GNG7: variants seen among roughly 807,000 people sequenced by gnomAD.
GNG7 encodes the protein guanine nucleotide-binding protein G(I)/G(S)/G(O) subunit gamma-7.
In GNG7, 1 loss-of-function variant was observed where a neutral mutation model predicts 4.0. The observed-to-expected ratio is 0.25, with a 90% CI of 0.09 to 1.18. The LOEUF is 1.18. Ranked by LOEUF, GNG7 falls within the 50% of genes most tolerant of loss-of-function variation. The pLI, the probability that GNG7 is intolerant of heterozygous loss-of-function variation, is 0.50. For synonymous variants in GNG7, 34 were observed against 36.9 expected (o/e 0.92, Z 0.29); for missense variants, 86 against 91.9 (o/e 0.94, Z 0.26).
At position 2,512,274 on chromosome 19, in the gene GNG7, A is replaced by G. The variant is rs1972667189; in HGVS notation, c.*2748T>C. ...CCAGGGATTCCCGGCAGAAAAGCAC[A>G]TGTGGCGGTCGGTGTGTGCACTCGG... On this transcript the variant is annotated 3_prime_UTR_variant, in exon 5 of 5. Coordinates refer to ENST00000382159, the MANE Select transcript of GNG7 (RefSeq NM_052847.3). This position sits in a 1 kb window ranked among gnomAD's most constrained non-coding sequence, Gnocchi z 4.7. The G allele has an allele frequency of 1.0e-6, 1 of 985,656 alleles. No individual in the cohort carries two copies. The highest frequency in any genetic ancestry group is 1.7e-5 in the African/African-American group (1 of 57,204). 61.1% of individuals were successfully genotyped at this position (985,656 alleles called of 1,614,324 possible).
intron 2 of GNG7, among the ~76,000 whole-genome samples, chr19:2,576,458 C>T (rs529704837): frequency 6.6e-6 from 1 of 152,356 alleles, no homozygotes; most frequent in African/African-American, 2.4e-5. Flanking sequence ...GGGACGGGCA[C>T]TGCAGCAGCT....
At chr19:2,592,140 C>CT (rs1483663776) in intron 2 of GNG7, among the ~76,000 whole-genome samples, 1 of 152,174 alleles carries the variant, frequency 6.6e-6, no homozygotes, top group Non-Finnish European at 1.5e-5. Flanking sequence ...CATGATGTTT[C>CT]TGCTGCAACA....
At chr19:2,642,672 C>T in intron 2 of GNG7, 1 of 397,862 alleles carries the variant, frequency 2.5e-6, no homozygotes, top group Non-Finnish European at 5.0e-6. Context: ...GTCTAATTTT[C>T]TGTAGAGTTT....
Position 2,700,168 on chromosome 19 carries a change from GTCTC to G in GNG7, c.-135+2474_-135+2477del, listed in dbSNP as rs541624184. Among the ~76,000 whole-genome samples, 782 of 148,782 alleles carry G rather than the reference GTCTC, an allele frequency of 5.3e-3. 10 individuals are homozygous for G. Among genetic ancestry groups the G allele is most frequent in the African/African-American group, 0.018 (735 of 40,196 alleles). On this transcript the variant is annotated intron_variant, in intron 1 of 4. Coordinates refer to ENST00000382159, the MANE Select transcript of GNG7 (RefSeq NM_052847.3). ...TTTTCCTTTATTTTTTTGAGGCAGAGTCTCTCTCTGTTGCCCAGGCTGGAGTGCA... is the reference window on the plus strand; with the variant it reads ...TTTTCCTTTATTTTTTTGAGGCAGAGTCTCTGTTGCCCAGGCTGGAGTGCA...
intron 1 of GNG7, among the ~76,000 whole-genome samples, chr19:2,661,294 GAAAGAAAGAGAAAGAAAGAAAGAA>G (rs1170981398): frequency 4.7e-5 from 2 of 42,476 alleles, no homozygotes; most frequent in African/African-American, 2.3e-4. Flanking sequence ...AAGAAAGAAA[GAAAGAAAGAGAAAGAAAGAAAGAA>G]AGAAAGAAAG....
chr19:2,552,825 C>A (rs947303982), intron 3 of GNG7, among the ~76,000 whole-genome samples: 1 of 140,620 alleles, frequency 7.1e-6, no homozygotes, highest in Non-Finnish European at 1.5e-5. Context: ...GCGTTTGAAT[C>A]GTCCCCAAAC....
chr19:2,691,696 G>A lies in GNG7; in HGVS notation c.-135+10950C>T, dbSNP rs559891030. Among the ~76,000 whole-genome samples the A allele has an allele frequency of 2.5e-4, 38 of 151,128 alleles. 2 individuals carry two copies. Among genetic ancestry groups the A allele is most frequent in the Admixed American group, 1.3e-3 (20 of 15,162 alleles). On this transcript the variant is annotated intron_variant, in intron 1 of 4. Transcript: ENST00000382159. The stretch of plus-strand genomic sequence containing the variant: ...AGCCTGGCCAACATGGTGAAACCCC[G>A]TTTCTACTAAAAATACCAAAATTAG...
At chr19:2,645,363 C>T (rs1404633414) in intron 2 of GNG7, among the ~76,000 whole-genome samples, 1 of 151,704 alleles carries the variant, frequency 6.6e-6, no homozygotes, top group Non-Finnish European at 1.5e-5. Flanking sequence ...CTCAGCCTCC[C>T]GAGTAGCTTG....
intron 3 of GNG7, among the ~76,000 whole-genome samples, chr19:2,548,960 A>G (rs1979225785): frequency 6.6e-6 from 1 of 152,206 alleles, no homozygotes; most frequent in African/African-American, 2.4e-5. Flanking sequence ...GACAGGTTCA[A>G]GTGACAAAGC....
intron 1 of GNG7, among the ~76,000 whole-genome samples, chr19:2,672,879 T>C (rs374200977): frequency 1.6e-4 from 25 of 152,288 alleles, no homozygotes; most frequent in African/African-American, 6.0e-4. Context: ...CCCAGAGCCC[T>C]GAACCCCAGA....
At chr19:2,575,490 G>GACACGCAGGCACACACAGACATGCAGAC (rs1980280369) in intron 2 of GNG7, among the ~76,000 whole-genome samples, 1 of 150,404 alleles carries the variant, frequency 6.6e-6, no homozygotes, top group African/African-American at 2.5e-5. Flanking sequence ...GGCACATGCA[G>GACACGCAGGCACACACAGACATGCAGAC]ACACGCAGGC....
At chr19:2,576,634 C>A (rs1172271131) in intron 2 of GNG7, among the ~76,000 whole-genome samples, 1 of 152,146 alleles carries the variant, frequency 6.6e-6, no homozygotes, top group Non-Finnish European at 1.5e-5. Flanking sequence ...GCAGCCTCCA[C>A]CTCCTGGGCT....
chr19:2,604,700 G>A (rs1288338644), intron 2 of GNG7, among the ~76,000 whole-genome samples: 2 of 151,390 alleles, frequency 1.3e-5, no homozygotes, highest in Non-Finnish European at 2.9e-5. Context: ...TGGGGAGGGA[G>A]GGAGGGAAAA....
chr19:2,619,742 T>C (rs530725147), intron 2 of GNG7, among the ~76,000 whole-genome samples: 1 of 151,544 alleles, frequency 6.6e-6, no homozygotes, highest in East Asian at 1.9e-4. Context: ...AGGGAGGGGA[T>C]GCGTGTGTGG....
intron 3 of GNG7, among the ~76,000 whole-genome samples, chr19:2,549,446 G>A (rs943336872): frequency 2.6e-5 from 4 of 151,844 alleles, no homozygotes; most frequent in South Asian, 2.1e-4. Flanking sequence ...GCCCGCCACC[G>A]CACCCGGCTA....
At position 2,652,705 on chromosome 19, in the gene GNG7, G is replaced by A. The variant is rs116565462; in HGVS notation, c.-134-6425C>T. Among the ~76,000 whole-genome samples the A allele has an allele frequency of 8.3e-3, 1,268 of 152,236 alleles. 20 individuals carry two copies. Among genetic ancestry groups the A allele is most frequent in the African/African-American group, 0.029 (1,200 of 41,530 alleles). On this transcript the variant is annotated intron_variant, in intron 1 of 4. Transcript: ENST00000382159. ...AGTGGTAGAGGAGGGAAAGGAAGGG[G>A]GAGATGGGGGTCAGAGGATACATAG... is the stretch of plus-strand genomic sequence containing the variant.
In GNG7 at chr19:2,626,514, G is replaced by C. The variant is rs1303940687; in HGVS notation, c.-78+19710C>G. Among the ~76,000 whole-genome samples the C allele has an allele frequency of 6.6e-6, 1 of 152,026 alleles. No individual in the cohort carries two copies. The highest frequency in any genetic ancestry group is 1.9e-4 in the East Asian group (1 of 5,188). On this transcript the variant is annotated intron_variant, in intron 2 of 4. Coordinates refer to ENST00000382159, the MANE Select transcript of GNG7 (RefSeq NM_052847.3). This position sits in a 1 kb window ranked among gnomAD's most constrained non-coding sequence, Gnocchi z 5.0. The stretch of plus-strand genomic sequence containing the variant: ...TCCCTCTCACCTTTTCAAGGTCCTG[G>C]AACCATCTCTGCACCTGTATCCCCC...
chr19:2,691,277 C>T (rs796359467), intron 1 of GNG7, among the ~76,000 whole-genome samples: 16 of 152,234 alleles, frequency 1.1e-4, no homozygotes, highest in African/African-American at 2.9e-4. Flanking sequence ...GGCTCAGTAA[C>T]GCATATCCGT....
intron 1 of GNG7, among the ~76,000 whole-genome samples, chr19:2,678,758 C>G (rs904258974): frequency 1.3e-5 from 2 of 152,146 alleles, no homozygotes; most frequent in Admixed American, 6.5e-5. Context: ...GGGGTCCCAG[C>G]TCTCAGAGCT....
Sources: allele counts gnomAD v4.1 joint callset (sites outside exome capture counted in the v4.1 genomes callset), GRCh38; gene constraint gnomAD v4.1.1; non-coding constraint Gnocchi (gnomAD v3.1); transcripts MANE v1.5; gene names NCBI Gene and HGNC (gene_info 2026-07-23, HGNC 2026-07-21).